The following ZNF280D variants were observed in gnomAD, a reference collection of about 807,000 sequenced individuals.
The protein encoded by ZNF280D is suppressor of hairy wing homolog 4.
ZNF280D carries 39 observed loss-of-function variants against 94.7 expected under a neutral mutation model. The ratio of observed to expected loss-of-function variants is 0.41; its 90% confidence interval spans 0.32 to 0.54. ZNF280D has a LOEUF of 0.54. ZNF280D is among the 20% of genes least tolerant of loss of function. The pLI is 0.22. For synonymous variants in ZNF280D, 398 were observed against 377.6 expected, an observed-to-expected ratio of 1.05 and a Z score of -0.63; for missense variants, 1,090 against 1,149.3, an observed-to-expected ratio of 0.95 and a Z score of 0.75.
intron 1 of ZNF280D, chr15:56,724,796 A>G (rs2058550467): frequency 7.5e-6 from 3 of 398,214 alleles, no homozygotes; most frequent in African/African-American, 6.3e-5. Flanking sequence ...TCTCAAATGA[A>G]CAGACACTAC....
chr15:56,642,431 G>A (rs1483239159), intron 20 of ZNF280D, among the ~76,000 whole-genome samples: 2 of 151,788 alleles, frequency 1.3e-5, no homozygotes, highest in African/African-American at 4.8e-5. Context: ...AAAGCAAGTA[G>A]TTGAGCAAAA....
chr15:56,702,111 A>G (rs1335195329), intron 4 of ZNF280D, among the ~76,000 whole-genome samples: 2 of 151,832 alleles, frequency 1.3e-5, no homozygotes. Context: ...CCCATTAAGT[A>G]ATTCTATAAA....
intron 1 of ZNF280D, chr15:56,730,100 G>T (rs1263047141): frequency 6.6e-6 from 1 of 152,072 alleles, no homozygotes; most frequent in African/African-American, 2.4e-5. Flanking sequence ...TGACCCAGAT[G>T]ATAGTGATAA....
At chr15:56,713,100 T>A (rs1041434232) in intron 1 of ZNF280D, among the ~76,000 whole-genome samples, 1 of 152,134 alleles carries the variant, frequency 6.6e-6, no homozygotes, top group Non-Finnish European at 1.5e-5. Context: ...ATCAATGAAA[T>A]AATCCAAAAA....
At chr15:56,659,175 TAAA>T (rs35057161) in intron 16 of ZNF280D, among the ~76,000 whole-genome samples, 2 of 93,216 alleles carry the variant, frequency 2.1e-5, no homozygotes, top group African/African-American at 4.1e-5. Flanking sequence ...TGTTTTTTAT[TAAA>T]AAAAAAAAAA....
intron 19 of ZNF280D, among the ~76,000 whole-genome samples, chr15:56,643,769 T>C (rs1020681092): frequency 6.6e-6 from 1 of 151,916 alleles, no homozygotes; most frequent in Admixed American, 6.6e-5. Context: ...GTAGGGTACC[T>C]ACCTGATCTG....
intron 10 of ZNF280D, 34 bp from the exon 11 acceptor site, chr15:56,678,855 G>C: frequency 1.4e-6 from 2 of 1,455,130 alleles, no homozygotes; most frequent in Non-Finnish European, 1.8e-6. Flanking sequence ...CAAAACTTGA[G>C]ATTTAAAAAC....
At chr15:56,655,537 T>G (rs1224421139) in intron 17 of ZNF280D, among the ~76,000 whole-genome samples, 5 of 152,244 alleles carry the variant, frequency 3.3e-5, no homozygotes, top group Non-Finnish European at 5.9e-5. Flanking sequence ...AAATGTGTAA[T>G]TATTATAAAT....
At chr15:56,687,414 A>G (rs1183268503) in intron 9 of ZNF280D, among the ~76,000 whole-genome samples, 23 of 152,174 alleles carry the variant, frequency 1.5e-4, no homozygotes, top group Admixed American at 1.1e-3. Context: ...TATATATAAC[A>G]TGCCACAATT....
At chr15:56,694,522 G>T (rs1372843622) in intron 6 of ZNF280D, among the ~76,000 whole-genome samples, 1 of 152,046 alleles carries the variant, frequency 6.6e-6, no homozygotes, top group Non-Finnish European at 1.5e-5. Context: ...TAAACTGAGA[G>T]AATTCAGAAG....
rs765723148 is a variant in ZNF280D, at chr15:56,654,221, G to A, written c.2190C>T (p.Ile730=). ...QVVMQKVSVC[I]PTSEHLSELK... is the part of the protein sequence containing the mutation. ...ACTCAGAAAGGTGCTCAGAAGTTGG[G>A]ATACAAACAGAAACTGAAATTAGAA... Residue 730 remains isoleucine, a synonymous_variant, in exon 19 of 22, where the codon ATC becomes ATT. Transcript: ENST00000267807. 2 of 1,610,390 alleles carry A rather than the reference G, an allele frequency of 1.2e-6. No homozygotes were observed. Among genetic ancestry groups the A allele is most frequent in the African/African-American group, 1.3e-5 (1 of 74,700 alleles).
At chr15:56,693,943 T>G (rs74926605) in intron 6 of ZNF280D, among the ~76,000 whole-genome samples, 4,238 of 152,202 alleles carry the variant, frequency 0.028, 184 homozygotes, top group African/African-American at 0.097. Context: ...CAGGCAAATA[T>G]GAAAGCAAAC....
chr15:56,695,178 C>G (rs1190637408), intron 6 of ZNF280D, among the ~76,000 whole-genome samples: 1 of 151,728 alleles, frequency 6.6e-6, no homozygotes, highest in South Asian at 2.1e-4. Flanking sequence ...GTTCAACTGA[C>G]TCTCCTGTCT....
At chr15:56,715,930 T>C (rs781408148) in intron 1 of ZNF280D, among the ~76,000 whole-genome samples, 30 of 152,044 alleles carry the variant, frequency 2.0e-4, no homozygotes, top group Non-Finnish European at 3.8e-4. Context: ...AATGCACCTT[T>C]AAAAAATATA....
At chr15:56,670,442 G>T (rs1410000714) in intron 13 of ZNF280D, among the ~76,000 whole-genome samples, 2 of 151,566 alleles carry the variant, frequency 1.3e-5, no homozygotes, top group Non-Finnish European at 3.0e-5. Flanking sequence ...GAGAAAACAC[G>T]GTATTTTTCT....
chr15:56,722,756 C>A (rs965851910), intron 1 of ZNF280D, among the ~76,000 whole-genome samples: 1 of 152,016 alleles, frequency 6.6e-6, no homozygotes, highest in Non-Finnish European at 1.5e-5. Context: ...ATAAATCATG[C>A]TGCTATAAAG....
At chr15:56,643,968 C>CA (rs2052756205) in intron 19 of ZNF280D, among the ~76,000 whole-genome samples, 1 of 151,878 alleles carries the variant, frequency 6.6e-6, no homozygotes, top group African/African-American at 2.4e-5. Context: ...ATCAATGAAA[C>CA]AGAGTTGGCA....
chr15:56,671,082 T>C (rs1195070272), intron 13 of ZNF280D, among the ~76,000 whole-genome samples: 2 of 152,146 alleles, frequency 1.3e-5, no homozygotes, highest in Non-Finnish European at 2.9e-5. Context: ...TAGACCTTTG[T>C]CAGATGCATA....
At chr15:56,665,703 CAAAA>C (rs71113013) in intron 16 of ZNF280D, among the ~76,000 whole-genome samples, 4 of 86,424 alleles carry the variant, frequency 4.6e-5, no homozygotes, top group East Asian at 7.1e-4. Flanking sequence ...GACTCCGTCT[CAAAA>C]AAAAAAAAAA....
Sources: allele counts gnomAD v4.1 joint callset (sites outside exome capture counted in the v4.1 genomes callset), GRCh38; gene constraint gnomAD v4.1.1; transcripts MANE v1.5; gene names NCBI Gene and HGNC (gene_info 2026-07-23, HGNC 2026-07-21).